The following GAS7 variants were observed in gnomAD, a reference collection of about 807,000 sequenced individuals.
GAS7 encodes the protein growth arrest specific 7, also known as growth arrest-specific protein 7.
In GAS7, 28 loss-of-function variants were observed where a neutral mutation model predicts 71.1. The ratio of observed to expected loss-of-function variants is 0.39; its 90% CI spans 0.29 to 0.54. The LOEUF (loss-of-function observed/expected upper bound fraction) is 0.54. Ranked by LOEUF, GAS7 falls within the 20% of genes least tolerant of loss-of-function variation. GAS7 has a pLI of 0.62. For missense variants in GAS7, 436 were observed against 627.8 expected, an observed-to-expected ratio of 0.69 and a Z score of 3.27; for synonymous variants, 258 against 245.8, an observed-to-expected ratio of 1.05 and a Z score of -0.46.
intron 2 of GAS7, among the ~76,000 whole-genome samples, chr17:9,993,266 G>A (rs1597632911): frequency 6.6e-6 from 1 of 152,106 alleles, no homozygotes; most frequent in Non-Finnish European, 1.5e-5. Flanking sequence ...TCCAGCACCT[G>A]TTGTTTCCTG....
chr17:10,152,611 C>T (rs952592750), intron 1 of GAS7, among the ~76,000 whole-genome samples: 18 of 152,178 alleles, frequency 1.2e-4, no homozygotes, highest in African/African-American at 4.1e-4. Context: ...TCCACTGCTG[C>T]CGTGTGCAAG....
At chr17:9,989,548 A>T (rs2070763787) in intron 2 of GAS7, among the ~76,000 whole-genome samples, 6 of 152,166 alleles carry the variant, frequency 3.9e-5, no homozygotes, top group Admixed American at 2.0e-4. Context: ...CATAAGTGAA[A>T]ACTTAAAAAT....
At chr17:10,004,910 T>C (rs2071408772) in intron 2 of GAS7, among the ~76,000 whole-genome samples, 1 of 152,154 alleles carries the variant, frequency 6.6e-6, no homozygotes, top group South Asian at 2.1e-4. Context: ...CTCAGGAGGC[T>C]GAGGCAGGAG....
Position 10,072,902 on chromosome 17 carries a change from G to GAAAACA in GAS7, c.184-53011_184-53006dup, listed in dbSNP as rs2073355971. 6.6e-5 allele frequency among the ~76,000 whole-genome samples: 10 copies of GAAAACA among 151,874 alleles called. 1 individual carries two copies. The South Asian group carries it at 2.1e-3, about 32-fold the overall frequency. On this transcript the variant is annotated intron_variant, in intron 1 of 13. Transcript: ENST00000432992. ...TAAAAATGGGGAACTAAAAAAAAAA[G>GAAAACA]AAAACAAAAACAAAAAAACAAGAAA...
intron 11 of GAS7, among the ~76,000 whole-genome samples, chr17:9,924,374 T>C (rs1228583248): frequency 2.6e-5 from 4 of 152,160 alleles, no homozygotes; most frequent in Admixed American, 1.3e-4. Context: ...TGAGGTACTA[T>C]GTTGCCCAGG....
chr17:9,973,034 C>T (rs1302399458), intron 3 of GAS7, among the ~76,000 whole-genome samples: 5 of 152,176 alleles, frequency 3.3e-5, no homozygotes, highest in South Asian at 2.1e-4. Context: ...AGGCCAATAA[C>T]ATACGCCAAA....
intron 2 of GAS7, among the ~76,000 whole-genome samples, chr17:10,018,880 G>C (rs1490220797): frequency 6.6e-6 from 1 of 152,144 alleles, no homozygotes; most frequent in Non-Finnish European, 1.5e-5. Context: ...TTTTGCCTTG[G>C]AACGCATGTC....
Position 9,914,305 on chromosome 17 carries a change from C to A in GAS7, c.*2923G>T, listed in dbSNP as rs955450877. 5.3e-6 allele frequency: 1 copy of A among 189,002 alleles called. No individual in the cohort carries two copies. Among genetic ancestry groups the A allele is most frequent in the East Asian group, 8.5e-5 (1 of 11,776 alleles). The allele number at this position is 189,002 out of a possible 1,614,324, so 11.7% of individuals were successfully genotyped here. Reference sequence around the variant, plus strand: ...GCAGTGGCCCGATCTTGGTTCACTGCAATCTCCGCCTCCCAGGTTCAAGCG... The same window carrying A: ...GCAGTGGCCCGATCTTGGTTCACTGAAATCTCCGCCTCCCAGGTTCAAGCG... On this transcript the variant is annotated 3_prime_UTR_variant, in exon 14 of 14. Coordinates refer to ENST00000432992, the MANE Select transcript of GAS7 (RefSeq NM_201433.2).
intron 2 of GAS7, among the ~76,000 whole-genome samples, chr17:9,988,849 C>CTTTTTT (rs554594604): frequency 7.6e-6 from 1 of 131,778 alleles, no homozygotes; most frequent in Non-Finnish European, 1.6e-5. Flanking sequence ...CTGTCATTTC[C>CTTTTTT]TTTTTTTTTT....
At chr17:10,179,038 G>A (rs1490305283) in intron 1 of GAS7, among the ~76,000 whole-genome samples, 1 of 151,936 alleles carries the variant, frequency 6.6e-6, no homozygotes, top group East Asian at 1.9e-4. Flanking sequence ...ACATCAACTT[G>A]AAAACATCTG....
At chr17:10,171,351 C>G (rs1422405748) in intron 1 of GAS7, among the ~76,000 whole-genome samples, 1 of 152,204 alleles carries the variant, frequency 6.6e-6, no homozygotes. Flanking sequence ...GAACCCCATT[C>G]ACAGCTGGCT....
chr17:10,083,738 G>A (rs1026511183), intron 1 of GAS7, among the ~76,000 whole-genome samples: 1 of 152,252 alleles, frequency 6.6e-6, no homozygotes, highest in Non-Finnish European at 1.5e-5. Context: ...TGGGTCCAGG[G>A]CCTTTTATGG....
intron 1 of GAS7, among the ~76,000 whole-genome samples, chr17:10,159,913 G>A (rs901379977): frequency 4.6e-5 from 7 of 151,774 alleles, no homozygotes; most frequent in African/African-American, 1.2e-4. Context: ...AGTCTCCTGA[G>A]TAGCTGGGAC....
At chr17:10,025,417 T>A (rs1237996564) in intron 1 of GAS7, among the ~76,000 whole-genome samples, 1 of 151,800 alleles carries the variant, frequency 6.6e-6, no homozygotes, top group Non-Finnish European at 1.5e-5. Context: ...AGCCTGATCC[T>A]CCTGTCTCCC....
rs140078475 is a variant in GAS7, at chr17:10,103,077, C to A, written c.184-83180G>T. 6.6e-6 allele frequency among the ~76,000 whole-genome samples: 1 copy of A among 152,150 alleles called. No homozygotes were observed. Among genetic ancestry groups the A allele is most frequent in the Non-Finnish European group, 1.5e-5 (1 of 68,040 alleles). ...TGCATTTTAACAAACCCTGACCGGACGTAGTGGCTCACACCTGTAATCCCA... is the reference window on the plus strand; with the variant it reads ...TGCATTTTAACAAACCCTGACCGGAAGTAGTGGCTCACACCTGTAATCCCA... On this transcript the variant is annotated intron_variant, in intron 1 of 13. Coordinates refer to ENST00000432992, the MANE Select transcript of GAS7 (RefSeq NM_201433.2). This position sits in a 1 kb window ranked among gnomAD's most constrained non-coding sequence, Gnocchi z 5.5.
intron 8 of GAS7, among the ~76,000 whole-genome samples, chr17:9,935,575 G>C (rs923800535): frequency 1.3e-5 from 2 of 152,232 alleles, no homozygotes; most frequent in Non-Finnish European, 2.9e-5. Flanking sequence ...ATGTGGTGAG[G>C]CTTCTGGGTC....
chr17:10,114,811 C>T (rs2073845200), intron 1 of GAS7, among the ~76,000 whole-genome samples: 1 of 152,164 alleles, frequency 6.6e-6, no homozygotes. Flanking sequence ...CACTTCCCGA[C>T]ACACAGTTTC....
chr17:10,038,696 T>A (rs992683658), intron 1 of GAS7, among the ~76,000 whole-genome samples: 1 of 31,936 alleles, frequency 3.1e-5, no homozygotes, highest in Non-Finnish European at 5.6e-5. Context: ...AAGGAAGGAA[T>A]TTTTTTTTTT....
In GAS7 at chr17:10,183,188, T is replaced by A. The variant is rs145862431; in HGVS notation, c.183+15020A>T. ...AAGTGTTATCCCAATACCAGCAACA[T>A]CCCATGGGAATATGCTGGAGATGCA... On this transcript the variant is annotated intron_variant, in intron 1 of 13. Coordinates refer to ENST00000432992, the MANE Select transcript of GAS7 (RefSeq NM_201433.2). Among the ~76,000 whole-genome samples, 3 of 151,874 alleles carry A rather than the reference T, an allele frequency of 2.0e-5. No homozygotes were observed. The East Asian group carries it at 5.8e-4, about 29-fold the overall frequency.
Sources: allele counts gnomAD v4.1 joint callset (sites outside exome capture counted in the v4.1 genomes callset), GRCh38; gene constraint gnomAD v4.1.1; non-coding constraint Gnocchi (gnomAD v3.1); transcripts MANE v1.5; gene names NCBI Gene and HGNC (gene_info 2026-07-23, HGNC 2026-07-21).